Variants in PIK3R4 observed in about 807,000 individuals in gnomAD.
PIK3R4 encodes the protein phosphoinositide 3-kinase regulatory subunit 4.
Under a neutral mutation model 136.5 loss-of-function variants are expected in PIK3R4, and 46 were observed. The observed-to-expected ratio is 0.34, with a 90% confidence interval of 0.27 to 0.43. The LOEUF (loss-of-function observed/expected upper bound fraction) is 0.43, where lower values mean the gene tolerates loss of function less well. PIK3R4 is among the 20% of genes least tolerant of loss of function. The pLI is 1.00. For missense variants in PIK3R4, 1,331 were observed against 1,649.5 expected, an observed-to-expected ratio of 0.81 and a Z score of 3.35; for synonymous variants, 557 against 566.7, an observed-to-expected ratio of 0.98 and a Z score of 0.24.
intron 7 of PIK3R4, among the ~76,000 whole-genome samples, chr3:130,721,264 G>A (rs1382165956): frequency 4.0e-5 from 6 of 151,736 alleles, no homozygotes; most frequent in Non-Finnish European, 7.4e-5. Flanking sequence ...GTGAACCTGG[G>A]AGGCGGAGCT....
At chr3:130,715,357 C>T (rs941312165) in intron 9 of PIK3R4, among the ~76,000 whole-genome samples, 10 of 152,156 alleles carry the variant, frequency 6.6e-5, no homozygotes, top group South Asian at 2.1e-4. Context: ...TTCCTGACCT[C>T]GGGTGACCCA....
At chr3:130,692,604 A>G (rs1386135413) in intron 13 of PIK3R4, among the ~76,000 whole-genome samples, 1 of 152,236 alleles carries the variant, frequency 6.6e-6, no homozygotes, top group Non-Finnish European at 1.5e-5. Context: ...TCATCTGCTG[A>G]TAAACATGTG....
At chr3:130,731,520 C>T (rs2066760256) in intron 4 of PIK3R4, among the ~76,000 whole-genome samples, 1 of 152,136 alleles carries the variant, frequency 6.6e-6, no homozygotes, top group South Asian at 2.1e-4. Flanking sequence ...AATGGAAAAA[C>T]TCTGGGCCAT....
At chr3:130,679,582 A>T in intron 19 of PIK3R4, 97 bp from the exon 20 acceptor site, 2 of 804,474 alleles carry the variant, frequency 2.5e-6, no homozygotes, top group South Asian at 3.6e-5. Flanking sequence ...CTGTTGTTGT[A>T]TTTAAGTTAA....
intron 13 of PIK3R4, among the ~76,000 whole-genome samples, chr3:130,699,567 G>A (rs1445465448): frequency 6.6e-6 from 1 of 152,116 alleles, no homozygotes; most frequent in East Asian, 1.9e-4. Context: ...AGAGTCAGGT[G>A]TTTTTCTTGA....
At chr3:130,740,800 G>C (rs768006352) in intron 2 of PIK3R4, among the ~76,000 whole-genome samples, 2 of 151,676 alleles carry the variant, frequency 1.3e-5, no homozygotes, top group African/African-American at 2.4e-5. Flanking sequence ...CATAATATAT[G>C]TAACTTATTT....
Position 130,730,363 on chromosome 3 carries a change from G to A in PIK3R4, c.1530C>T (p.Asp510=), listed in dbSNP as rs772091076. 6.3e-7 allele frequency: 1 copy of A among 1,599,252 alleles called. No homozygotes were observed. Among genetic ancestry groups the A allele is most frequent in the African/African-American group, 1.3e-5 (1 of 74,256 alleles). Residue 510 remains aspartate, a synonymous_variant, in exon 5 of 20, where the codon GAC becomes GAT. Transcript: ENST00000356763. ...VQLKNLNMEN[D]PNNEEIDEVT... ...CCTCATCTATTTCTTCATTATTGGG[G>A]TCATTTTCCATATTAAGATTTTTTA...
In PIK3R4 at chr3:130,686,360, T is replaced by G; in HGVS notation, c.3326A>C (p.Gln1109Pro). Residue 1109 changes from glutamine to proline, a missense_variant, in exon 15 of 20, where the codon CAG (glutamine) becomes CCG (proline). Coordinates refer to ENST00000356763, the MANE Select transcript of PIK3R4 (RefSeq NM_014602.3). ...VDMHHFNSGA[Q>P]SVLAYATVNG... ...CACAGTGGCATAGGCAAGAACAGACTGTGCTCCAGAGTTGAAGTGATGCAT... is the reference window on the plus strand; with the variant it reads ...CACAGTGGCATAGGCAAGAACAGACGGTGCTCCAGAGTTGAAGTGATGCAT... 1.2e-6 allele frequency: 2 copies of G among 1,613,634 alleles called. No homozygotes were observed. The highest frequency in any genetic ancestry group is 8.5e-7 in the Non-Finnish European group (1 of 1,179,566).
intron 3 of PIK3R4, 28 bp from the exon 4 acceptor site, chr3:130,734,158 A>C: frequency 6.5e-7 from 1 of 1,537,962 alleles, no homozygotes; most frequent in Non-Finnish European, 8.8e-7. Context: ...AAGGAATTAA[A>C]ATAGATTTGA....
chr3:130,696,436 T>C (rs991015700), intron 13 of PIK3R4, among the ~76,000 whole-genome samples: 1 of 152,084 alleles, frequency 6.6e-6, no homozygotes, highest in African/African-American at 2.4e-5. Context: ...CTAGATGCAT[T>C]ATCCAAGTTT....
In PIK3R4 at chr3:130,744,974, T is replaced by C; in HGVS notation, c.245A>G (p.Gln82Arg). 1 of 1,614,250 alleles carries C rather than the reference T, an allele frequency of 6.2e-7. No individual in the cohort carries two copies. Among genetic ancestry groups the C allele is most frequent in the Non-Finnish European group, 8.5e-7 (1 of 1,180,044 alleles). ...TGCTTTCTGGAAAGGTAGACAATTC[T>C]GTGCAGAATTAAGCCTGATTTTCAG... ...EELKIRLNSA[Q>R]NCLPFQKASE... Residue 82 changes from glutamine (Q) to arginine (R), a missense_variant, in exon 2 of 20, where the codon CAG (glutamine) becomes CGG (arginine). Physicochemically the swap from Gln to Arg is conservative, Grantham distance 43. Transcript: ENST00000356763.
intron 13 of PIK3R4, among the ~76,000 whole-genome samples, chr3:130,691,598 G>A (rs955856566): frequency 2.0e-5 from 3 of 151,948 alleles, no homozygotes; most frequent in Non-Finnish European, 4.4e-5. Context: ...ACGCTTCTAA[G>A]GGGCCATACC....
chr3:130,685,964 A>T (rs1274418061), intron 15 of PIK3R4, among the ~76,000 whole-genome samples: 1 of 152,174 alleles, frequency 6.6e-6, no homozygotes, highest in Non-Finnish European at 1.5e-5. Flanking sequence ...TAAAGTAAGG[A>T]GGCTCATTTA....
chr3:130,686,409 T>C lies in PIK3R4; in HGVS notation c.3277A>G (p.Lys1093Glu), dbSNP rs763574793. 2 of 1,607,104 alleles carry C rather than the reference T, an allele frequency of 1.2e-6. No homozygotes were observed. Among genetic ancestry groups the C allele is most frequent in the East Asian group, 2.2e-5 (1 of 44,830 alleles). The change falls in exon 15 of 20, where the codon AAG (lysine) becomes GAG (glutamate). Residue 1093 changes from lysine (K) to glutamate (E), a missense_variant. Physicochemically the swap from Lys to Glu is moderately conservative, Grantham distance 56 (BLOSUM62 1). Around this residue, in one of 2 missense-constraint regions of PIK3R4, gnomAD observed 1,180 missense variants for 1,407.0 expected, o/e 0.84. Coordinates refer to ENST00000356763, the MANE Select transcript of PIK3R4 (RefSeq NM_014602.3). ...HPLQSRILDQ[K>E]EDGCVVDMHH... ...ATATCCACAACACAACCGTCCTCCT[T>C]CTGATCTAGAATTCTAGAGAAATAC...
At chr3:130,691,637 G>C (rs911423508) in intron 13 of PIK3R4, among the ~76,000 whole-genome samples, 3 of 151,892 alleles carry the variant, frequency 2.0e-5, no homozygotes, top group Admixed American at 6.6e-5. Flanking sequence ...CCTGAACACC[G>C]AACACATTCA....
At position 130,718,413 on chromosome 3, in the gene PIK3R4, T is replaced by C; in HGVS notation, c.2103A>G (p.Pro701=). The change falls in exon 8 of 20, where the codon CCA becomes CCG. Residue 701 remains proline, a synonymous_variant. Transcript: ENST00000356763. ...CCTGTATTATTGGTTGGGTAATATA[T>C]GGGTCAAGATAAGGCATCAGTTTAC... ...VYCKLMPYLD[P]YITQPIIQIE... is the part of the protein sequence containing the mutation. The C allele has an allele frequency of 6.2e-7, 1 of 1,613,706 alleles. No individual in the cohort carries two copies. The highest frequency in any genetic ancestry group is 8.5e-7 in the Non-Finnish European group (1 of 1,179,670).
intron 4 of PIK3R4, among the ~76,000 whole-genome samples, chr3:130,732,670 G>T (rs868089014): frequency 6.6e-6 from 1 of 151,788 alleles, no homozygotes; most frequent in African/African-American, 2.4e-5. Context: ...ATAAAAACAC[G>T]TAACAATCAC....
At chr3:130,697,652 T>G (rs772818553) in intron 13 of PIK3R4, among the ~76,000 whole-genome samples, 1 of 152,238 alleles carries the variant, frequency 6.6e-6, no homozygotes, top group Admixed American at 6.5e-5. Context: ...CTCCCTCATA[T>G]GTATAACTAT....
chr3:130,739,099 C>T (rs980209293), intron 2 of PIK3R4, among the ~76,000 whole-genome samples: 8 of 152,104 alleles, frequency 5.3e-5, no homozygotes, highest in Non-Finnish European at 7.4e-5. Context: ...TTTTTTGAGA[C>T]GGAGTCTCAC....
Sources: allele counts gnomAD v4.1 joint callset (sites outside exome capture counted in the v4.1 genomes callset), GRCh38; gene constraint gnomAD v4.1.1; regional missense constraint gnomAD v4.1.1; transcripts MANE v1.5; gene names NCBI Gene and HGNC (gene_info 2026-07-23, HGNC 2026-07-21).